MAPKAPK2: variants seen among roughly 807,000 people sequenced by gnomAD.
The protein encoded by MAPKAPK2 is MAPK activated protein kinase 2.
MAPKAPK2 carries 9 observed loss-of-function variants against 48.8 expected under a neutral mutation model. The observed-to-expected ratio is 0.18, with a 90% CI of 0.11 to 0.32. The LOEUF (loss-of-function observed/expected upper bound fraction) is 0.32. Ranked by LOEUF, MAPKAPK2 falls within the 10% of genes least tolerant of loss-of-function variation. The probability of loss-of-function intolerance (pLI) is 1.00; values close to 1 mark genes in which losing one functional copy is unlikely to be tolerated. For synonymous variants in MAPKAPK2, 202 were observed against 190.6 expected, an observed-to-expected ratio of 1.06 and a Z score of -0.49; for missense variants, 331 against 498.3, an observed-to-expected ratio of 0.66 and a Z score of 3.20.
chr1:206,693,870 A>C (rs782790966), intron 1 of MAPKAPK2, among the ~76,000 whole-genome samples: 7 of 152,172 alleles, frequency 4.6e-5, no homozygotes, highest in Non-Finnish European at 1.5e-5. Context: ...GGCTCTCAGG[A>C]TCTCCTTCCT....
intron 1 of MAPKAPK2, among the ~76,000 whole-genome samples, chr1:206,699,142 G>A (rs4845130): frequency 0.76 from 115,104 of 152,194 alleles, 43,745 homozygotes; most frequent in Middle Eastern, 0.91. Context: ...GAATGAAAGA[G>A]GACTTCCTCT....
chr1:206,716,013 T>TA (rs1268748996), intron 1 of MAPKAPK2, among the ~76,000 whole-genome samples: 3 of 152,010 alleles, frequency 2.0e-5, no homozygotes, highest in African/African-American at 7.2e-5. Flanking sequence ...TTTTTTTTTT[T>TA]AATTTCCCTC....
intron 1 of MAPKAPK2, among the ~76,000 whole-genome samples, chr1:206,703,406 G>A (rs1672857028): frequency 6.6e-6 from 1 of 152,174 alleles, no homozygotes; most frequent in Admixed American, 6.5e-5. Flanking sequence ...GGCCTGGGTG[G>A]CGTATTGGCA....
At chr1:206,710,570 G>A (rs782569450) in intron 1 of MAPKAPK2, among the ~76,000 whole-genome samples, 38 of 152,194 alleles carry the variant, frequency 2.5e-4, no homozygotes, top group Non-Finnish European at 5.0e-4. Context: ...CACTGTTCAA[G>A]ACTACATATA....
intron 1 of MAPKAPK2, among the ~76,000 whole-genome samples, chr1:206,709,245 G>T (rs899522501): frequency 2.0e-5 from 3 of 152,078 alleles, no homozygotes; most frequent in African/African-American, 7.2e-5. Context: ...CTCCTTCAGG[G>T]TTTCTCTTCT....
chr1:206,703,303 CA>C (rs1672855192), intron 1 of MAPKAPK2, among the ~76,000 whole-genome samples: 1 of 152,180 alleles, frequency 6.6e-6, no homozygotes, highest in African/African-American at 2.4e-5. Flanking sequence ...CAGCTACTTC[CA>C]AACATAATCC....
At chr1:206,723,280 C>A (rs782230773) in intron 1 of MAPKAPK2, among the ~76,000 whole-genome samples, 23 of 152,156 alleles carry the variant, frequency 1.5e-4, no homozygotes, top group Non-Finnish European at 2.8e-4. Context: ...GTTGCCCCCC[C>A]CAGTGGGACT....
intron 1 of MAPKAPK2, among the ~76,000 whole-genome samples, chr1:206,693,937 G>A (rs1235495780): frequency 6.6e-6 from 1 of 152,168 alleles, no homozygotes; most frequent in Non-Finnish European, 1.5e-5. Context: ...GAATGTCACC[G>A]AGTGCATGGG....
At chr1:206,724,677 A>T (rs574641469) in intron 1 of MAPKAPK2, among the ~76,000 whole-genome samples, 1 of 152,022 alleles carries the variant, frequency 6.6e-6, no homozygotes, top group South Asian at 2.1e-4. Context: ...ACCTTTTCCA[A>T]TTTATTTCAG....
chr1:206,686,897 T>C (rs1043578586), intron 1 of MAPKAPK2, among the ~76,000 whole-genome samples: 5 of 152,220 alleles, frequency 3.3e-5, no homozygotes, highest in African/African-American at 7.2e-5. Context: ...TTGTTTAGTG[T>C]TGACTGTTGG....
chr1:206,713,591 G>C (rs573310657), intron 1 of MAPKAPK2, among the ~76,000 whole-genome samples: 3 of 152,300 alleles, frequency 2.0e-5, no homozygotes, highest in Admixed American at 1.3e-4. Context: ...AGTAGGCCAG[G>C]CATGGTGGCT....
intron 1 of MAPKAPK2, among the ~76,000 whole-genome samples, chr1:206,702,261 C>T (rs573933778): frequency 5.3e-5 from 8 of 152,308 alleles, no homozygotes; most frequent in African/African-American, 1.2e-4. Flanking sequence ...TTTAGAGCCT[C>T]GCAGAACCGT....
At position 206,732,546 on chromosome 1, in the gene MAPKAPK2, T is replaced by C. The variant is rs1673953874; in HGVS notation, c.1060-29T>C. 2 of 1,612,664 alleles carry C rather than the reference T, an allele frequency of 1.2e-6. No individual in the cohort carries two copies. The highest frequency in any genetic ancestry group is 2.7e-5 in the African/African-American group (2 of 75,000). ...CCTACCTGTCTTCTGGCTCTCTCTGTACCCTTCCTGGTGCTGCCGTGCCCC... is the reference window on the plus strand; with the variant it reads ...CCTACCTGTCTTCTGGCTCTCTCTGCACCCTTCCTGGTGCTGCCGTGCCCC... On this transcript the variant is annotated intron_variant, in intron 9 of 9. Transcript: ENST00000367103. This position sits in a 1 kb window ranked among gnomAD's most constrained non-coding sequence, Gnocchi z 4.4.
chr1:206,731,603 C>A lies in MAPKAPK2; in HGVS notation c.893-37C>A. On this transcript the variant is annotated intron_variant, in intron 7 of 9. Transcript: ENST00000367103. The surrounding 1 kb of genome is among the most constrained non-coding windows in gnomAD (Gnocchi z 5.9). ...GAAAGGAGCAGGCCAGGGAGAGTGA[C>A]CCCTGAGCTGTCACTGCCCCCTGTC... The A allele has an allele frequency of 6.6e-7, 1 of 1,522,030 alleles. No individual in the cohort carries two copies. Among genetic ancestry groups the A allele is most frequent in the Non-Finnish European group, 9.1e-7 (1 of 1,096,128 alleles). 94.3% of individuals were successfully genotyped at this position (1,522,030 alleles called of 1,614,324 possible). A position where few individuals can be genotyped will look rare whatever the true frequency, so the allele number is the denominator to read the frequency against.
chr1:206,711,804 G>A (rs570207413), intron 1 of MAPKAPK2, among the ~76,000 whole-genome samples: 4 of 151,440 alleles, frequency 2.6e-5, no homozygotes, highest in Admixed American at 6.6e-5. Context: ...TATTTTATTC[G>A]TAGAGACAGG....
chr1:206,732,435 C>A lies in MAPKAPK2; in HGVS notation c.1060-140C>A. The A allele has an allele frequency of 6.8e-7, 1 of 1,478,840 alleles. No homozygotes were observed. Among genetic ancestry groups the A allele is most frequent in the Non-Finnish European group, 9.0e-7 (1 of 1,112,404 alleles). 91.6% of individuals were successfully genotyped at this position (1,478,840 alleles called of 1,614,324 possible). ...GTTGTCAGCGTGGACCACTAACCAG[C>A]CCGTCTTCTCTCTCTGCTCCCACCC... On this transcript the variant is annotated intron_variant, in intron 9 of 9. Transcript: ENST00000367103. The surrounding 1 kb of genome is among the most constrained non-coding windows in gnomAD (Gnocchi z 4.4).
At chr1:206,730,187 A>G (rs1210568297) in intron 5 of MAPKAPK2, 89 bp downstream of exon 5, 24 of 1,523,216 alleles carry the variant, frequency 1.6e-5, no homozygotes, top group Non-Finnish European at 2.2e-5. Flanking sequence ...CGCAAATCCT[A>G]GGAGAGTTGT....
Position 206,732,058 on chromosome 1 carries a change from C to G in MAPKAPK2, c.1059+139C>G. 1 of 1,614,164 alleles carries G rather than the reference C, an allele frequency of 6.2e-7. No individual in the cohort carries two copies. Among genetic ancestry groups the G allele is most frequent in the Non-Finnish European group, 8.5e-7 (1 of 1,180,030 alleles). ...CCCAGGGGTGTCTTCATGACAAGAACAGCGACCAGGCCACTTGGCTGACCA... is the reference window on the plus strand; with the variant it reads ...CCCAGGGGTGTCTTCATGACAAGAAGAGCGACCAGGCCACTTGGCTGACCA... On this transcript the variant is annotated intron_variant, in intron 9 of 9. Transcript: ENST00000367103. The surrounding 1 kb of genome is among the most constrained non-coding windows in gnomAD (Gnocchi z 4.4).
intron 1 of MAPKAPK2, among the ~76,000 whole-genome samples, chr1:206,710,717 C>T (rs1240628066): frequency 6.6e-6 from 1 of 152,206 alleles, no homozygotes; most frequent in Admixed American, 6.5e-5. Context: ...AGATATTTCA[C>T]AACATCGAAA....
Sources: gnomAD v4.1 joint callset for allele counts (sites outside exome capture counted in the v4.1 genomes callset) on GRCh38, gnomAD v4.1.1 for gene constraint, Gnocchi (gnomAD v3.1) non-coding constraint, MANE v1.5 for transcripts, NCBI Gene and HGNC (gene_info 2026-07-23, HGNC 2026-07-21) for gene names.